Variants in ZNF385B observed in about 807,000 individuals in gnomAD.
ZNF385B encodes zinc finger protein 385B.
ZNF385B carries 23 observed loss-of-function variants against 39.2 expected under a neutral mutation model. That is an observed-to-expected ratio of 0.59 (90% CI 0.42 to 0.83). The LOEUF (loss-of-function observed/expected upper bound fraction) is 0.83, where lower values mean the gene tolerates loss of function less well. ZNF385B is among the 40% of genes least tolerant of loss of function. ZNF385B has a pLI of 0.00. For synonymous variants in ZNF385B, 205 were observed against 222.6 expected (o/e 0.92, Z 0.70); for missense variants, 552 against 598.9 (o/e 0.92, Z 0.82).
At chr2:179,831,455 A>T (rs922147022) in intron 1 of ZNF385B, among the ~76,000 whole-genome samples, 1 of 151,770 alleles carries the variant, frequency 6.6e-6, no homozygotes, top group African/African-American at 2.4e-5. Context: ...GAACATTTCC[A>T]CTTAAGATGC....
At chr2:179,448,608 C>T (rs1159657327) in intron 6 of ZNF385B, among the ~76,000 whole-genome samples, 2 of 152,048 alleles carry the variant, frequency 1.3e-5, no homozygotes, top group Non-Finnish European at 2.9e-5. Context: ...GTCTTATTAG[C>T]TCTCACAGAA....
intron 3 of ZNF385B, among the ~76,000 whole-genome samples, chr2:179,598,286 C>A (rs796528249): frequency 1.6e-4 from 25 of 152,046 alleles, no homozygotes; most frequent in Non-Finnish European, 2.8e-4. Context: ...TTGTTTGTGG[C>A]GCTCTAGTTC....
chr2:179,630,486 A>G (rs1380425332), intron 3 of ZNF385B, among the ~76,000 whole-genome samples: 3 of 149,558 alleles, frequency 2.0e-5, no homozygotes, highest in Non-Finnish European at 4.5e-5. Context: ...CATAAACAAA[A>G]AGGTCATCTA....
At chr2:179,544,056 A>G (rs916023084) in intron 4 of ZNF385B, among the ~76,000 whole-genome samples, 1 of 152,216 alleles carries the variant, frequency 6.6e-6, no homozygotes, top group Admixed American at 6.5e-5. Context: ...CAATGTATGC[A>G]TTCACCTGAA....
At chr2:179,780,542 G>A (rs972803267) in intron 1 of ZNF385B, among the ~76,000 whole-genome samples, 3 of 152,076 alleles carry the variant, frequency 2.0e-5, no homozygotes, top group Non-Finnish European at 2.9e-5. Flanking sequence ...CTGCCTCCTT[G>A]CAGTAATTTT....
intron 3 of ZNF385B, among the ~76,000 whole-genome samples, chr2:179,676,326 G>A (rs576080544): frequency 6.6e-6 from 1 of 150,768 alleles, no homozygotes; most frequent in Admixed American, 6.6e-5. Flanking sequence ...CCGACGTCAT[G>A]ATCCGCCTGC....
intron 3 of ZNF385B, among the ~76,000 whole-genome samples, chr2:179,566,949 C>T (rs3112927): frequency 0.25 from 35,741 of 141,044 alleles, 5,077 homozygotes; most frequent in East Asian, 0.6. Flanking sequence ...GGGTCTCACT[C>T]TGTCACCCAG....
intron 2 of ZNF385B, 101 bp from the exon 3 acceptor site, chr2:179,769,903 G>T: frequency 8.4e-7 from 1 of 1,184,584 alleles, no homozygotes; most frequent in Non-Finnish European, 1.2e-6. Flanking sequence ...GCTAAAAGTT[G>T]CCCAGCTACC....
At chr2:179,795,156 G>C (rs1401974373) in intron 1 of ZNF385B, among the ~76,000 whole-genome samples, 2 of 152,082 alleles carry the variant, frequency 1.3e-5, no homozygotes, top group Non-Finnish European at 2.9e-5. Flanking sequence ...AAAAAGAAAA[G>C]AGGGGTAACT....
intron 3 of ZNF385B, among the ~76,000 whole-genome samples, chr2:179,663,561 T>G (rs1051208074): frequency 6.6e-6 from 1 of 151,792 alleles, no homozygotes; most frequent in Non-Finnish European, 1.5e-5. Context: ...ATACAAAAAA[T>G]TAGACGGGCG....
intron 1 of ZNF385B, among the ~76,000 whole-genome samples, chr2:179,834,397 T>G (rs555913143): frequency 1.2e-3 from 178 of 152,148 alleles, no homozygotes; most frequent in Non-Finnish European, 2.1e-3. Flanking sequence ...AATAACTAAT[T>G]AAAAATATCA....
chr2:179,505,631 T>C (rs1269120544), intron 5 of ZNF385B, among the ~76,000 whole-genome samples: 2 of 152,138 alleles, frequency 1.3e-5, no homozygotes, highest in Non-Finnish European at 2.9e-5. Flanking sequence ...GTGAGAATTA[T>C]TGAAGATAAA....
At chr2:179,841,775 A>G (rs7603617) in intron 1 of ZNF385B, among the ~76,000 whole-genome samples, 47,197 of 152,090 alleles carry the variant, frequency 0.31, 7,606 homozygotes, top group African/African-American at 0.35. Context: ...CTATCCTAGC[A>G]CAGGTCATGA....
intron 4 of ZNF385B, among the ~76,000 whole-genome samples, chr2:179,528,349 T>C (rs1053044789): frequency 6.6e-6 from 1 of 152,222 alleles, no homozygotes; most frequent in Non-Finnish European, 1.5e-5. Flanking sequence ...TACTAAGTAC[T>C]AGACACCTTT....
chr2:179,538,531 A>G (rs532753332), intron 4 of ZNF385B, among the ~76,000 whole-genome samples: 1 of 152,266 alleles, frequency 6.6e-6, no homozygotes, highest in African/African-American at 2.4e-5. Flanking sequence ...AAAAATATTC[A>G]TCAATATTGC....
chr2:179,714,949 A>AAAAAAAAAAAAAAAAAAAAAC (rs1700232524), intron 3 of ZNF385B, among the ~76,000 whole-genome samples: 2 of 150,892 alleles, frequency 1.3e-5, no homozygotes, highest in East Asian at 2.0e-4. Context: ...TCTCAAAAAA[A>AAAAAAAAAAAAAAAAAAAAAC]AAAAAAAAAA....
At chr2:179,788,331 T>C (rs1003433064) in intron 1 of ZNF385B, among the ~76,000 whole-genome samples, 2 of 152,286 alleles carry the variant, frequency 1.3e-5, no homozygotes, top group South Asian at 4.1e-4. Flanking sequence ...CCCCTTGCAG[T>C]TACCCTATTA....
intron 3 of ZNF385B, among the ~76,000 whole-genome samples, chr2:179,722,957 C>T (rs1448753197): frequency 3.3e-5 from 5 of 152,064 alleles, no homozygotes; most frequent in Admixed American, 3.3e-4. Context: ...TGAAAAGATG[C>T]TCAGCCTCAT....
intron 6 of ZNF385B, among the ~76,000 whole-genome samples, chr2:179,447,996 T>A (rs543109290): frequency 6.6e-6 from 1 of 151,478 alleles, no homozygotes; most frequent in Admixed American, 6.6e-5. Flanking sequence ...TTTTTTTGAG[T>A]TGGATCCATT....
Sources: gnomAD v4.1 joint callset for allele counts (sites outside exome capture counted in the v4.1 genomes callset) on GRCh38, gnomAD v4.1.1 for gene constraint, MANE v1.5 for transcripts, NCBI Gene and HGNC (gene_info 2026-07-23, HGNC 2026-07-21) for gene names.